The following IL17B variants were observed in gnomAD, a reference collection of about 807,000 sequenced individuals.
The protein encoded by IL17B is interleukin 17B, also known as interleukin-17B.
A neutral mutation model predicts 14.7 loss-of-function variants in IL17B; 14 were observed. That is an observed-to-expected ratio of 0.95 (90% CI 0.63 to 1.49). The LOEUF (loss-of-function observed/expected upper bound fraction) is 1.49. IL17B is among the 40% of genes most tolerant of loss of function. The probability of loss-of-function intolerance (pLI) is 0.00; values close to 1 mark genes in which losing one functional copy is unlikely to be tolerated. For missense variants in IL17B, 233 were observed against 252.8 expected (o/e 0.92, Z 0.53); for synonymous variants, 105 against 94.8 (o/e 1.11, Z -0.62).
In IL17B at chr5:149,377,086, T is replaced by TG. The variant is rs934826107; in HGVS notation, c.22-62dup. The TG allele has an allele frequency of 2.8e-6, 4 of 1,405,192 alleles. No homozygotes were observed. The African/African-American group carries it at 5.8e-5, about 20-fold the overall frequency. 87.0% of individuals were successfully genotyped at this position (1,405,192 alleles called of 1,614,324 possible). A position where few individuals can be genotyped will look rare whatever the true frequency, so the allele number is the denominator to read the frequency against. On this transcript the variant is annotated intron_variant, in intron 1 of 2. Coordinates refer to ENST00000261796, the MANE Select transcript of IL17B (RefSeq NM_014443.3). ...CCAAGTCTCTATCTGGGCCAAGACT[T>TG]GGGGTCCATGGTCCTTTCCCATTGC...
upstream of IL17B, among the ~76,000 whole-genome samples, chr5:149,379,937 T>G (rs897010005): frequency 6.6e-6 from 1 of 152,206 alleles, no homozygotes; most frequent in African/African-American, 2.4e-5. Context: ...TGGGAGACTT[T>G]CCGCACAATT....
intron 1 of IL17B, among the ~76,000 whole-genome samples, chr5:149,394,579 A>G (rs1759053918): frequency 6.6e-6 from 1 of 152,270 alleles, no homozygotes; most frequent in South Asian, 2.1e-4. Context: ...AAGTCTTTAC[A>G]TAATTCCAGT....
upstream of IL17B, among the ~76,000 whole-genome samples, chr5:149,381,756 A>AATG (rs1275803165): frequency 2.0e-5 from 3 of 152,216 alleles, no homozygotes; most frequent in Non-Finnish European, 2.9e-5. Context: ...CTTGGTTTCT[A>AATG]GAAACCCCTG....
chr5:149,376,676 CTG>C (rs1758546390), intron 2 of IL17B, 58 bp downstream of exon 2: 1 of 1,536,480 alleles, frequency 6.5e-7, no homozygotes, highest in Admixed American at 2.1e-5. Context: ...ATTACAATGA[CTG>C]GGGCACAGGA....
chr5:149,389,823 G>A (rs1037463698), intron 1 of IL17B, among the ~76,000 whole-genome samples: 3 of 152,158 alleles, frequency 2.0e-5, no homozygotes, highest in African/African-American at 4.8e-5. Context: ...TTTTCACTTC[G>A]TTAATGCAAC....
At chr5:149,396,256 T>C (rs962197182) in intron 1 of IL17B, among the ~76,000 whole-genome samples, 2 of 152,242 alleles carry the variant, frequency 1.3e-5, no homozygotes, top group Non-Finnish European at 2.9e-5. Flanking sequence ...CTTCACTTTT[T>C]CCAGTCATTA....
At chr5:149,395,169 T>A (rs998736734) in intron 1 of IL17B, among the ~76,000 whole-genome samples, 11 of 152,166 alleles carry the variant, frequency 7.2e-5, no homozygotes, top group Admixed American at 6.6e-4. Flanking sequence ...CCAGCTTCCA[T>A]CCATGATGCT....
intron 1 of IL17B, among the ~76,000 whole-genome samples, chr5:149,394,765 G>A (rs1759057209): frequency 6.6e-6 from 1 of 152,036 alleles, no homozygotes; most frequent in Non-Finnish European, 1.5e-5. Context: ...GGCTCTGCTT[G>A]GAGAATACAT....
upstream of IL17B, among the ~76,000 whole-genome samples, chr5:149,380,266 T>A (rs1006185887): frequency 1.3e-5 from 2 of 152,108 alleles, no homozygotes; most frequent in Non-Finnish European, 2.9e-5. Flanking sequence ...CTATAAGGAA[T>A]AAAGGAAATC....
In IL17B at chr5:149,376,946, C is replaced by T. The variant is rs750526618; in HGVS notation, c.101G>A (p.Arg34Gln). 36 of 1,609,528 alleles carry T rather than the reference C, an allele frequency of 2.2e-5. No individual in the cohort carries two copies. The highest frequency in any genetic ancestry group is 1.7e-4 in the Middle Eastern group (1 of 6,054). The change falls in exon 2 of 3, where the codon CGG becomes CAG. Residue 34 changes from arginine (R) to glutamine (Q), a missense_variant. Physicochemically the swap from Arg to Gln is conservative, Grantham distance 43. Coordinates refer to ENST00000261796, the MANE Select transcript of IL17B (RefSeq NM_014443.3). ...SPKSKRKGQG[R>Q]PGPLAPGPHQ... is the part of the protein sequence containing the mutation. ...AGGGCCAGGGGCCAGGGGCCCAGGC[C>T]GCCCTTGCCCCTTCCTCTTGCTTTT...
chr5:149,391,454 G>A (rs187622722), intron 1 of IL17B, among the ~76,000 whole-genome samples: 1 of 152,258 alleles, frequency 6.6e-6, no homozygotes, highest in East Asian at 1.9e-4. Context: ...AGGATAAAAT[G>A]GCTTCAGTTC....
upstream of IL17B, among the ~76,000 whole-genome samples, chr5:149,383,312 G>A (rs531677157): frequency 1.2e-4 from 18 of 152,348 alleles, no homozygotes; most frequent in African/African-American, 4.1e-4. Flanking sequence ...GGTAGGAAGG[G>A]CATTACGAAG....
chr5:149,384,627 G>A (rs1160873637), intron 1 of IL17B, among the ~76,000 whole-genome samples: 1 of 152,112 alleles, frequency 6.6e-6, no homozygotes, highest in Admixed American at 6.5e-5. Flanking sequence ...GAGAGGTGGG[G>A]GGTTAACAAG....
intron 1 of IL17B, among the ~76,000 whole-genome samples, chr5:149,389,540 G>A (rs1237678454): frequency 1.3e-5 from 2 of 152,220 alleles, no homozygotes; most frequent in African/African-American, 4.8e-5. Context: ...TCAGAGTTGG[G>A]ACCAGAATCT....
intron 1 of IL17B, 149 bp from the exon 2 acceptor site, chr5:149,377,174 G>A (rs1282467628): frequency 2.1e-5 from 13 of 634,022 alleles, no homozygotes; most frequent in Middle Eastern, 3.6e-4. Context: ...TCCCTCCTCA[G>A]ATTACCCCCT....
chr5:149,393,322 C>G (rs777466869), intron 1 of IL17B, among the ~76,000 whole-genome samples: 1 of 152,188 alleles, frequency 6.6e-6, no homozygotes. Flanking sequence ...AGGAAATGAG[C>G]TTTCAGTGTG....
intron 1 of IL17B, among the ~76,000 whole-genome samples, chr5:149,397,446 G>A (rs994049235): frequency 3.9e-5 from 6 of 152,148 alleles, no homozygotes; most frequent in African/African-American, 1.4e-4. Flanking sequence ...TAGGATTATA[G>A]GCGTGAACCA....
chr5:149,383,885 A>G (rs1356082459), upstream of IL17B, among the ~76,000 whole-genome samples: 5 of 152,160 alleles, frequency 3.3e-5, no homozygotes, highest in Non-Finnish European at 7.3e-5. Context: ...TTCACTGGAG[A>G]CTGGGTCGCC....
intron 1 of IL17B, among the ~76,000 whole-genome samples, chr5:149,386,327 C>T (rs1758828270): frequency 6.6e-6 from 1 of 152,184 alleles, no homozygotes; most frequent in South Asian, 2.1e-4. Context: ...AGCAGAGGAA[C>T]GTCCTGAGAG....
Sources: allele counts gnomAD v4.1 joint callset (sites outside exome capture counted in the v4.1 genomes callset), GRCh38; gene constraint gnomAD v4.1.1; transcripts MANE v1.5; gene names NCBI Gene and HGNC (gene_info 2026-07-23, HGNC 2026-07-21).